Variants in CD247 observed in about 807,000 individuals in gnomAD.
CD247 encodes T-cell surface glycoprotein CD3 zeta chain.
A neutral mutation model predicts 30.0 loss-of-function variants in CD247; 13 were observed. The observed-to-expected ratio is 0.43, with a 90% CI of 0.28 to 0.69. The LOEUF (loss-of-function observed/expected upper bound fraction) is 0.69, where lower values mean the gene tolerates loss of function less well. CD247 is among the 30% of genes least tolerant of loss of function. The probability of loss-of-function intolerance (pLI) is 0.16; values close to 1 mark genes in which losing one functional copy is unlikely to be tolerated. For missense variants in CD247, 193 were observed against 212.6 expected (o/e 0.91, Z 0.57); for synonymous variants, 72 against 80.0 (o/e 0.90, Z 0.53).
At chr1:167,484,443 G>A (rs1174311644) in intron 1 of CD247, among the ~76,000 whole-genome samples, 1 of 152,192 alleles carries the variant, frequency 6.6e-6, no homozygotes, top group Non-Finnish European at 1.5e-5. Context: ...TCTGGAGGAG[G>A]AGGAGGCACT....
At chr1:167,439,737 G>C in intron 2 of CD247, 1 of 358,386 alleles carries the variant, frequency 2.8e-6, no homozygotes, top group Non-Finnish European at 5.3e-6. Context: ...GTATTCTCTA[G>C]GATCCCTTCC....
At chr1:167,511,419 G>A (rs1003748723) in intron 1 of CD247, among the ~76,000 whole-genome samples, 2 of 152,146 alleles carry the variant, frequency 1.3e-5, no homozygotes, top group Non-Finnish European at 2.9e-5. Context: ...AAATTGAGGC[G>A]CATCCCTCTA....
intron 1 of CD247, among the ~76,000 whole-genome samples, chr1:167,495,850 G>A (rs557384485): frequency 6.6e-6 from 1 of 152,120 alleles, no homozygotes; most frequent in Non-Finnish European, 1.5e-5. Context: ...CACCATCTTA[G>A]CAAGGACATC....
chr1:167,431,760 A>G lies in CD247; in HGVS notation c.430-14T>C, dbSNP rs949211009. 1 of 1,613,568 alleles carries G rather than the reference A, an allele frequency of 6.2e-7. No individual in the cohort carries two copies. Among genetic ancestry groups the G allele is most frequent in the African/African-American group, 1.3e-5 (1 of 74,964 alleles). ...TGTACTGAGACCCTGGCGTGAAAGC[A>G]AATCAGAAAACAAAGAGTGGGTCAG... On this transcript the variant is annotated splice_polypyrimidine_tract_variant and intron_variant, in intron 7 of 7. Coordinates refer to ENST00000362089, the MANE Select transcript of CD247 (RefSeq NM_198053.3).
chr1:167,449,155 T>TCTTTTTCTTTTTTTC (rs1558000501), intron 1 of CD247, among the ~76,000 whole-genome samples: 11 of 61,580 alleles, frequency 1.8e-4, no homozygotes, highest in African/African-American at 8.0e-4. Context: ...TTTTCTTTTT[T>TCTTTTTCTTTTTTTC]TTTTTTTTTT....
At chr1:167,486,365 C>A (rs549579544) in intron 1 of CD247, among the ~76,000 whole-genome samples, 2 of 152,336 alleles carry the variant, frequency 1.3e-5, no homozygotes, top group East Asian at 3.9e-4. Context: ...GTCACTTAAC[C>A]TCTCAGAGCA....
intron 1 of CD247, among the ~76,000 whole-genome samples, chr1:167,447,974 G>A (rs1156962310): frequency 3.5e-5 from 5 of 142,592 alleles, no homozygotes; most frequent in African/African-American, 1.0e-4. Flanking sequence ...GGGTGGGGGG[G>A]TGGGGGCGGT....
At chr1:167,485,756 T>G (rs1030821602) in intron 1 of CD247, among the ~76,000 whole-genome samples, 10 of 151,956 alleles carry the variant, frequency 6.6e-5, no homozygotes, top group Non-Finnish European at 1.2e-4. Flanking sequence ...CAGCCCCAAA[T>G]CCAACCCACC....
At chr1:167,439,665 G>C (rs1184962861) in intron 2 of CD247, 1 of 544,336 alleles carries the variant, frequency 1.8e-6, no homozygotes, top group East Asian at 3.2e-5. Flanking sequence ...TTCTTCCCGG[G>C]CTAGCGCCCT....
rs1204750555 is a variant in CD247, at chr1:167,440,781, T to A, written c.59-14A>T. On this transcript the variant is annotated splice_polypyrimidine_tract_variant and intron_variant, in intron 1 of 7. Transcript: ENST00000362089. ...AGCTCTGTGCCTCTGTGCCAAGAGATAAAGCTGGTCAGCCAGGCCCAAGGT... is the reference window on the plus strand; with the variant it reads ...AGCTCTGTGCCTCTGTGCCAAGAGAAAAAGCTGGTCAGCCAGGCCCAAGGT... 1 of 1,593,052 alleles carries A rather than the reference T, an allele frequency of 6.3e-7. No individual in the cohort carries two copies. Among genetic ancestry groups the A allele is most frequent in the Non-Finnish European group, 8.6e-7 (1 of 1,162,548 alleles).
intron 1 of CD247, among the ~76,000 whole-genome samples, chr1:167,467,582 C>T (rs1320255901): frequency 3.9e-5 from 6 of 152,242 alleles, no homozygotes; most frequent in African/African-American, 7.2e-5. Flanking sequence ...GTGCAGAGCA[C>T]AGCCCTAAGC....
At chr1:167,432,918 G>T in intron 7 of CD247, 106 bp downstream of exon 7, 1 of 1,261,310 alleles carries the variant, frequency 7.9e-7, no homozygotes, top group Non-Finnish European at 1.2e-6. Context: ...GCCCTGCCCA[G>T]CTGTTGGCAA....
chr1:167,479,818 G>C (rs573825552), intron 1 of CD247, among the ~76,000 whole-genome samples: 20 of 152,272 alleles, frequency 1.3e-4, no homozygotes, highest in African/African-American at 4.8e-4. Flanking sequence ...TTGCTCCAGG[G>C]GCACTGGGCT....
chr1:167,462,546 C>A (rs1276931511), intron 1 of CD247, among the ~76,000 whole-genome samples: 1 of 152,236 alleles, frequency 6.6e-6, no homozygotes, highest in East Asian at 1.9e-4. Context: ...CACGAGAACC[C>A]AAGGGAGAGA....
chr1:167,454,257 T>C (rs1652518764), intron 1 of CD247, among the ~76,000 whole-genome samples: 1 of 152,218 alleles, frequency 6.6e-6, no homozygotes, highest in South Asian at 2.1e-4. Flanking sequence ...CACAAAAATG[T>C]CATCCACGGT....
intron 1 of CD247, among the ~76,000 whole-genome samples, chr1:167,482,750 G>A (rs1654024192): frequency 6.6e-6 from 1 of 152,226 alleles, no homozygotes; most frequent in Non-Finnish European, 1.5e-5. Flanking sequence ...TCACCTGGGA[G>A]AGAGGCCTTG....
At chr1:167,446,414 T>C (rs975734002) in intron 1 of CD247, among the ~76,000 whole-genome samples, 15 of 152,210 alleles carry the variant, frequency 9.9e-5, no homozygotes, top group African/African-American at 3.6e-4. Context: ...TGCCCCATTA[T>C]TGGCTTGTTT....
At position 167,469,144 on chromosome 1, in the gene CD247, G is replaced by A. The variant is rs137907088; in HGVS notation, c.59-28377C>T. Among the ~76,000 whole-genome samples the A allele has an allele frequency of 1.3e-3, 195 of 152,162 alleles. 3 individuals are homozygous for A. The East Asian group carries it at 0.025, about 19-fold the overall frequency. ...ACTACAGGTGTGTGCCACAGTGCCC[G>A]GCTAATTTTTGTATTTTTAGTAGAG... On this transcript the variant is annotated intron_variant, in intron 1 of 7. Coordinates refer to ENST00000362089, the MANE Select transcript of CD247 (RefSeq NM_198053.3).
At chr1:167,501,115 C>T (rs1571591652) in intron 1 of CD247, among the ~76,000 whole-genome samples, 2 of 146,186 alleles carry the variant, frequency 1.4e-5, no homozygotes, top group South Asian at 4.3e-4. Context: ...AGTGCAATGG[C>T]GCGATCTCGG....
Sources: allele counts gnomAD v4.1 joint callset (sites outside exome capture counted in the v4.1 genomes callset), GRCh38; gene constraint gnomAD v4.1.1; transcripts MANE v1.5; gene names NCBI Gene and HGNC (gene_info 2026-07-23, HGNC 2026-07-21).